The following FAM120B variants were observed in gnomAD, a reference collection of about 807,000 sequenced individuals.
FAM120B encodes the protein family with sequence similarity 120 member B, also known as constitutive coactivator of peroxisome proliferator-activated receptor gamma.
Under a neutral mutation model 96.3 loss-of-function variants are expected in FAM120B, and 83 were observed. The observed-to-expected ratio is 0.86, with a 90% CI of 0.72 to 1.03. FAM120B has a LOEUF of 1.03. Ranked by LOEUF, FAM120B falls within the 50% of genes least tolerant of loss-of-function variation. FAM120B has a pLI of 0.00. For missense variants in FAM120B, 1,027 were observed against 1,121.2 expected, an observed-to-expected ratio of 0.92 and a Z score of 1.20; for synonymous variants, 407 against 402.7, an observed-to-expected ratio of 1.01 and a Z score of -0.13.
intron 6 of FAM120B, among the ~76,000 whole-genome samples, chr6:170,386,027 G>C (rs575720395): frequency 8.5e-4 from 129 of 152,292 alleles, no homozygotes; most frequent in Non-Finnish European, 1.3e-3. Context: ...GCCTGCTCCA[G>C]ATGATGCTCT....
At chr6:170,361,257 T>TATATATATATAC (rs1562567484) in intron 6 of FAM120B, among the ~76,000 whole-genome samples, 4 of 127,998 alleles carry the variant, frequency 3.1e-5, no homozygotes, top group African/African-American at 1.2e-4. Context: ...TATATATACG[T>TATATATATATAC]GTATATATAT....
At chr6:170,372,382 G>C (rs527934024) in intron 6 of FAM120B, among the ~76,000 whole-genome samples, 1 of 113,860 alleles carries the variant, frequency 8.8e-6, no homozygotes, top group Non-Finnish European at 1.6e-5. Context: ...TTTGACTAAC[G>C]TAAATTATTC....
intron 6 of FAM120B, among the ~76,000 whole-genome samples, chr6:170,383,177 C>T (rs1217467755): frequency 6.6e-6 from 1 of 151,050 alleles, no homozygotes; most frequent in Non-Finnish European, 1.5e-5. Flanking sequence ...ATGAAATTAA[C>T]TGTAAAACAT....
rs1400364939 is a variant in FAM120B at position 170,318,201 on chromosome 6, A to G, written c.811A>G (p.Ile271Val). ...GNIILAVSDH[I>V]SKVLYLYQGE... is the part of the protein sequence containing the mutation. Reference sequence around the variant, plus strand: ...CATCATATTAGCTGTGTCAGACCATATATCGAAAGTTCTTTACTTGTATCA... The same window carrying G: ...CATCATATTAGCTGTGTCAGACCATGTATCGAAAGTTCTTTACTTGTATCA... The change falls in exon 2 of 11, where the codon ATA (isoleucine) becomes GTA (valine). Residue 271 changes from isoleucine (I) to valine (V), a missense_variant. Coordinates refer to ENST00000476287, the MANE Select transcript of FAM120B (RefSeq NM_032448.3). 4 of 1,613,880 alleles carry G rather than the reference A, an allele frequency of 2.5e-6. No individual in the cohort carries two copies. Among genetic ancestry groups the G allele is most frequent in the African/African-American group, 1.3e-5 (1 of 74,898 alleles).
upstream of FAM120B, chr6:170,291,205 C>A: frequency 1.6e-6 from 1 of 627,974 alleles, no homozygotes; most frequent in Admixed American, 2.1e-5. Flanking sequence ...TACATTCCTG[C>A]AAAATGTTCA....
intron 4 of FAM120B, among the ~76,000 whole-genome samples, chr6:170,345,863 C>T (rs1420429912): frequency 6.6e-6 from 1 of 152,202 alleles, no homozygotes; most frequent in African/African-American, 2.4e-5. Context: ...CATTGCTTAA[C>T]CACAGTGATC....
intron 6 of FAM120B, among the ~76,000 whole-genome samples, chr6:170,367,541 A>C (rs1327980924): frequency 6.6e-6 from 1 of 152,278 alleles, no homozygotes; most frequent in African/African-American, 2.4e-5. Context: ...CTCTTTCCAG[A>C]AGAGCGTGCT....
chr6:170,382,594 C>G (rs1356174512), intron 6 of FAM120B, among the ~76,000 whole-genome samples: 1 of 152,146 alleles, frequency 6.6e-6, no homozygotes, highest in Non-Finnish European at 1.5e-5. Flanking sequence ...ATTAAATAAA[C>G]ATATACAGGA....
At position 170,323,087 on chromosome 6, in the gene FAM120B, A is replaced by G. The variant is rs1335953336; in HGVS notation, c.1743A>G (p.Arg581=). The part of the protein sequence containing the change: ...VSDTEILKVA[R]THHVQAESYL... ...ATTTAAATTTCAAACAGGTTGCTAG[A>G]ACACATCACGTCCAAGCAGAAAGCT... The change falls in exon 3 of 11, where the codon AGA becomes AGG. Residue 581 remains arginine, a synonymous_variant. Coordinates refer to ENST00000476287, the MANE Select transcript of FAM120B (RefSeq NM_032448.3). 1.2e-6 allele frequency: 2 copies of G among 1,610,756 alleles called. No homozygotes were observed. The highest frequency in any genetic ancestry group is 8.5e-7 in the Non-Finnish European group (1 of 1,178,678).
At chr6:170,315,009 A>G (rs1784814180) in intron 1 of FAM120B, among the ~76,000 whole-genome samples, 1 of 152,256 alleles carries the variant, frequency 6.6e-6, no homozygotes, top group African/African-American at 2.4e-5. Context: ...GCTGCTGACC[A>G]CAGTGGGCGT....
chr6:170,395,794 C>CT (rs1389131651), intron 9 of FAM120B, among the ~76,000 whole-genome samples: 8 of 152,192 alleles, frequency 5.3e-5, no homozygotes, highest in African/African-American at 1.9e-4. Flanking sequence ...CATCTGGCCA[C>CT]TTTATTCATT....
intron 2 of FAM120B, among the ~76,000 whole-genome samples, chr6:170,320,103 G>A (rs1430678899): frequency 1.3e-5 from 2 of 152,094 alleles, no homozygotes; most frequent in Non-Finnish European, 2.9e-5. Flanking sequence ...ATGTCTCAAA[G>A]GTACCTCAGC....
chr6:170,296,971 G>C (rs1400836346), intron 1 of FAM120B, among the ~76,000 whole-genome samples: 1 of 152,228 alleles, frequency 6.6e-6, no homozygotes. Context: ...GGGAGGTCGC[G>C]GCACCTGTCG....
intron 6 of FAM120B, among the ~76,000 whole-genome samples, chr6:170,377,914 C>CGCCCGGGAGAT (rs1789661500): frequency 1.3e-5 from 1 of 74,950 alleles, no homozygotes; most frequent in Non-Finnish European, 2.6e-5. Flanking sequence ...TAAACCCAGA[C>CGCCCGGGAGAT]GCCTGGGAGA....
upstream of FAM120B, among the ~76,000 whole-genome samples, chr6:170,303,422 T>A (rs1358517738): frequency 6.6e-6 from 1 of 152,136 alleles, no homozygotes; most frequent in Admixed American, 6.5e-5. Flanking sequence ...AAAAATGTTT[T>A]GTAGAGATGA....
rs565040551 is a variant in FAM120B at position 170,348,437 on chromosome 6, C to T, written c.2190+114C>T. On this transcript the variant is annotated intron_variant, in intron 5 of 10. Coordinates refer to ENST00000476287, the MANE Select transcript of FAM120B (RefSeq NM_032448.3). ...GGATTGTCTTTTTCCAATGTCTGTT[C>T]CATGGAACATTATTAGTCCTTTGAA... is the stretch of plus-strand genomic sequence containing the variant. The T allele has an allele frequency of 7.8e-5, 72 of 923,696 alleles. 1 individual carries two copies. The South Asian group carries it at 1.1e-3, about 15-fold the overall frequency. 57.2% of individuals were successfully genotyped at this position (923,696 alleles called of 1,614,324 possible).
intron 1 of FAM120B, among the ~76,000 whole-genome samples, chr6:170,316,745 C>T (rs1211671578): frequency 1.3e-5 from 2 of 152,150 alleles, no homozygotes; most frequent in African/African-American, 2.4e-5. Context: ...CATATGCATA[C>T]ACTTGTAAAA....
intron 6 of FAM120B, among the ~76,000 whole-genome samples, chr6:170,367,000 A>T (rs1290470120): frequency 6.6e-6 from 1 of 152,118 alleles, no homozygotes; most frequent in Non-Finnish European, 1.5e-5. Flanking sequence ...CACTGCTTTG[A>T]TCCTTTTCTT....
intron 3 of FAM120B, among the ~76,000 whole-genome samples, chr6:170,326,579 G>A (rs1785603190): frequency 6.6e-6 from 1 of 152,128 alleles, no homozygotes; most frequent in Non-Finnish European, 1.5e-5. Flanking sequence ...AAATATTGTA[G>A]GTTTTGAGGG....
Sources: gnomAD v4.1 joint callset for allele counts (sites outside exome capture counted in the v4.1 genomes callset) on GRCh38, gnomAD v4.1.1 for gene constraint, MANE v1.5 for transcripts, NCBI Gene and HGNC (gene_info 2026-07-23, HGNC 2026-07-21) for gene names.